Variants in IDH3B observed in about 807,000 individuals in gnomAD.
The protein encoded by IDH3B is isocitrate dehydrogenase [NAD] subunit beta, mitochondrial.
A neutral mutation model predicts 47.5 loss-of-function variants in IDH3B; 40 were observed. The observed-to-expected ratio is 0.84, with a 90% CI of 0.65 to 1.10. IDH3B has a LOEUF of 1.10. IDH3B is among the 50% of genes least tolerant of loss of function. The pLI is 0.00. For synonymous variants in IDH3B, 185 were observed against 191.0 expected, an observed-to-expected ratio of 0.97 and a Z score of 0.26; for missense variants, 450 against 505.2, an observed-to-expected ratio of 0.89 and a Z score of 1.05.
Position 2,660,200 on chromosome 20 carries a change from A to C in IDH3B, c.769-24T>G. On this transcript the variant is annotated intron_variant, in intron 8 of 11. Transcript: ENST00000380843. This position sits in a 1 kb window ranked among gnomAD's most constrained non-coding sequence, Gnocchi z 5.6. ...AGCTAGAGGGTGAGATGCAGGCATG[A>C]AGTAAATTCCACTCCCCACCCTCCT... 1 of 1,614,132 alleles carries C rather than the reference A, an allele frequency of 6.2e-7. No individual in the cohort carries two copies. Among genetic ancestry groups the C allele is most frequent in the East Asian group, 2.2e-5 (1 of 44,880 alleles).
At position 2,664,156 on chromosome 20, in the gene IDH3B, G is replaced by T. The variant is rs755677815; in HGVS notation, c.33C>A (p.Thr11=). 2 of 1,613,500 alleles carry T rather than the reference G, an allele frequency of 1.2e-6. No homozygotes were observed. The highest frequency in any genetic ancestry group is 1.7e-6 in the Non-Finnish European group (2 of 1,179,846). The change falls in exon 1 of 12, where the codon ACC becomes ACA. Residue 11 remains threonine (T), a synonymous_variant. Coordinates refer to ENST00000380843, the MANE Select transcript of IDH3B (RefSeq NM_006899.5). ...CCGACATGTCCCGGGGCCTCACTCG[G>T]GTCAGCCAGCGGACTCCGCTCAATG... The part of the protein sequence containing the change: MAALSGVRWL[T]RALVSAGNPG...
chr20:2,659,381 G>A lies in IDH3B; in HGVS notation c.1071+144C>T, dbSNP rs190082305. On this transcript the variant is annotated intron_variant, in intron 11 of 11. Transcript: ENST00000380843. ...GGGAGATGAAGAACAGCCCTGAGAG[G>A]GATGCAGGGATGTCAGGGAGCAGAT... 9.7e-5 allele frequency: 151 copies of A among 1,553,550 alleles called. No individual in the cohort carries two copies. The African/African-American group carries it at 1.9e-3, about 20-fold the overall frequency.
At position 2,658,806 on chromosome 20, in the gene IDH3B, G is replaced by A. The variant is rs538397341; in HGVS notation, c.1103C>T (p.Thr368Ile). 3.1e-6 allele frequency: 5 copies of A among 1,614,204 alleles called. No individual in the cohort carries two copies. The South Asian group carries it at 5.5e-5, about 18-fold the overall frequency. ...VRTRDMGGYS[T>I]TTDFIKSVIG... ...GACAGACTTGATGAAGTCGGTTGTG[G>A]TGCTGTAGCCGCCCATGTCTCGAGT... The change falls in exon 12 of 12, where the codon ACC (threonine) becomes ATC (isoleucine). Residue 368 changes from threonine (T) to isoleucine (I), a missense_variant. Thr to Ile is a moderately conservative substitution (Grantham distance 89, BLOSUM62 -1). Coordinates refer to ENST00000380843, the MANE Select transcript of IDH3B (RefSeq NM_006899.5).
rs199820027 is a variant in IDH3B, at chr20:2,660,863, G to A, written c.399-34C>T. The stretch of plus-strand genomic sequence containing the variant: ...GGGCAGGGCCATCAGCTCTGCTCCT[G>A]GTGCCCTGGCACCTCTCAACCATTC... On this transcript the variant is annotated intron_variant, in intron 5 of 11. Coordinates refer to ENST00000380843, the MANE Select transcript of IDH3B (RefSeq NM_006899.5). The surrounding 1 kb of genome is among the most constrained non-coding windows in gnomAD (Gnocchi z 5.6). 292 of 1,614,014 alleles carry A rather than the reference G, an allele frequency of 1.8e-4. No homozygotes were observed. The highest frequency in any genetic ancestry group is 8.2e-4 in the Middle Eastern group (5 of 6,084).
intron 4 of IDH3B, among the ~76,000 whole-genome samples, chr20:2,662,460 T>C (rs531342050): frequency 6.6e-6 from 1 of 152,044 alleles, no homozygotes; most frequent in South Asian, 2.1e-4. Flanking sequence ...ATATGGAAGA[T>C]GAACTATAGG....
In IDH3B at chr20:2,658,821, A is replaced by G. The variant is rs1241409255; in HGVS notation, c.1088T>C (p.Met363Thr). The change falls in exon 12 of 12, where the codon ATG (methionine) becomes ACG (threonine). Residue 363 changes from methionine to threonine, a missense_variant. Physicochemically the swap from Met to Thr is moderately conservative, Grantham distance 81 (BLOSUM62 -1). Transcript: ENST00000380843. ...IKVGKVRTRD[M>T]GGYSTTTDFI... ...GTCGGTTGTGGTGCTGTAGCCGCCC[A>G]TGTCTCGAGTCCGCACCTACAGCCA... 1.2e-6 allele frequency: 2 copies of G among 1,614,152 alleles called. No homozygotes were observed. The highest frequency in any genetic ancestry group is 8.5e-7 in the Non-Finnish European group (1 of 1,180,032).
chr20:2,659,512 CTT>C lies in IDH3B; in HGVS notation c.1071+11_1071+12del. On this transcript the variant is annotated intron_variant, in intron 11 of 11. Transcript: ENST00000380843. Reference sequence around the variant, plus strand: ...TCTAAATCCTGAAGCCAGCACTACTCTTCTCAACTCACCTTGCCAACTTTGAT... The same window carrying C: ...TCTAAATCCTGAAGCCAGCACTACTCCTCAACTCACCTTGCCAACTTTGAT... 1.9e-6 allele frequency: 3 copies of C among 1,613,866 alleles called. No individual in the cohort carries two copies. The highest frequency in any genetic ancestry group is 2.5e-6 in the Non-Finnish European group (3 of 1,179,698).
chr20:2,659,677 C>T, intron 10 of IDH3B, 22 bp downstream of exon 10: 15 of 1,611,746 alleles, frequency 9.3e-6, no homozygotes, highest in Non-Finnish European at 1.3e-5. Context: ...CCAACCTCTG[C>T]CGACAGCCTC....
In IDH3B at chr20:2,663,432, G is replaced by A. The variant is rs376688375; in HGVS notation, c.337+14C>T. On this transcript the variant is annotated intron_variant, in intron 4 of 11. Transcript: ENST00000380843. The stretch of plus-strand genomic sequence containing the variant: ...TAAATGGCACATGGACAAGTGGCAA[G>A]AGGGCACACATACCAATGATGGCCA... 2.0e-5 allele frequency: 32 copies of A among 1,613,976 alleles called. No homozygotes were observed. The highest frequency in any genetic ancestry group is 2.5e-5 in the Non-Finnish European group (30 of 1,179,958).
rs746384948 is a variant in IDH3B at position 2,658,826 on chromosome 20, T to C, written c.1083A>G (p.Arg361=). 6.2e-7 allele frequency: 1 copy of C among 1,614,018 alleles called. No homozygotes were observed. ...KVIKVGKVRT[R]DMGGYSTTTD... ...TTGTGGTGCTGTAGCCGCCCATGTC[T>C]CGAGTCCGCACCTACAGCCACCACC... The change falls in exon 12 of 12, where the codon CGA becomes CGG. Residue 361 remains arginine, a synonymous_variant. Transcript: ENST00000380843.
At chr20:2,659,096 A>G in intron 11 of IDH3B, 1 of 1,438,690 alleles carries the variant, frequency 7.0e-7, no homozygotes, top group Non-Finnish European at 9.1e-7. Context: ...GATCAGAGGC[A>G]GGATGTGGCT....
In IDH3B at chr20:2,658,675, A is replaced by G; in HGVS notation, c.*76T>C. On this transcript the variant is annotated 3_prime_UTR_variant, in exon 12 of 12. Transcript: ENST00000380843. The stretch of plus-strand genomic sequence containing the variant: ...CCATGGTCCACTGCTTAGAGGCACA[A>G]GGTCTCTTCCCTGGTACACTGCACT... 1 of 1,614,054 alleles carries G rather than the reference A, an allele frequency of 6.2e-7. No homozygotes were observed. Among genetic ancestry groups the G allele is most frequent in the Non-Finnish European group, 8.5e-7 (1 of 1,179,942 alleles).
intron 4 of IDH3B, 32 bp downstream of exon 4, chr20:2,663,414 C>A: frequency 6.2e-7 from 1 of 1,613,530 alleles, no homozygotes; most frequent in Non-Finnish European, 8.5e-7. Context: ...TTTTAAATGG[C>A]ACATGGACAA....
rs2086901688 is a variant in IDH3B, at chr20:2,659,680, A to G, written c.1010+19T>C. 6.2e-7 allele frequency: 1 copy of G among 1,612,658 alleles called. No homozygotes were observed. Among genetic ancestry groups the G allele is most frequent in the Non-Finnish European group, 8.5e-7 (1 of 1,178,672 alleles). Reference sequence around the variant, plus strand: ...TCCTCACGACACCCAACCTCTGCCGACAGCCTCCCATGACCTACTTAAGAT... The same window carrying G: ...TCCTCACGACACCCAACCTCTGCCGGCAGCCTCCCATGACCTACTTAAGAT... On this transcript the variant is annotated intron_variant, in intron 10 of 11. Transcript: ENST00000380843.
At position 2,663,704 on chromosome 20, in the gene IDH3B, C is replaced by G. The variant is rs764648168; in HGVS notation, c.172G>C (p.Gly58Arg). 2 of 1,614,206 alleles carry G rather than the reference C, an allele frequency of 1.2e-6. No homozygotes were observed. Among genetic ancestry groups the G allele is most frequent in the Non-Finnish European group, 1.7e-6 (2 of 1,180,054 alleles). Residue 58 changes from glycine (G) to arginine (R), a missense_variant, in exon 3 of 12, where the codon GGT becomes CGT. Gly to Arg is a moderately radical substitution (Grantham distance 125). Coordinates refer to ENST00000380843, the MANE Select transcript of IDH3B (RefSeq NM_006899.5). ...GCGTGCATCAGCTCAGGCCCCACAC[C>G]GTCTCCCGGAAGCATGGTCACGGGA... Reference protein sequence around the residue: ...SFPVTMLPGDGVGPELMHAVK... With the variant: ...SFPVTMLPGDRVGPELMHAVK...
intron 11 of IDH3B, chr20:2,659,267 A>G (rs1158631980): frequency 1.4e-6 from 2 of 1,449,958 alleles, no homozygotes; most frequent in Non-Finnish European, 1.8e-6. Flanking sequence ...ATGGCCCATG[A>G]AAAGGGCAGT....
chr20:2,663,954 C>T lies in IDH3B; in HGVS notation c.88G>A (p.Ala30Thr). ...PGAWRGLSTS[A>T]AAHAASRSQA... ...CTCCGCGATGCAGCGTGCGCCGCGG[C>T]CGAGGTACTCAGACCTCTCCATGCC... is the stretch of plus-strand genomic sequence containing the variant. The change falls in exon 2 of 12, where the codon GCC becomes ACC. Residue 30 changes from alanine to threonine, a missense_variant. Ala to Thr is a moderately conservative substitution (Grantham distance 58). Transcript: ENST00000380843. The T allele has an allele frequency of 6.2e-7, 1 of 1,614,124 alleles. No individual in the cohort carries two copies. Among genetic ancestry groups the T allele is most frequent in the Non-Finnish European group, 8.5e-7 (1 of 1,180,034 alleles).
At chr20:2,662,748 T>C (rs1452390921) in intron 4 of IDH3B, among the ~76,000 whole-genome samples, 4 of 151,824 alleles carry the variant, frequency 2.6e-5, no homozygotes, top group Non-Finnish European at 5.9e-5. Context: ...AGGTCAGGAG[T>C]TCGAGACCAG....
chr20:2,662,513 C>T (rs1176959914), intron 4 of IDH3B, among the ~76,000 whole-genome samples: 2 of 152,060 alleles, frequency 1.3e-5, no homozygotes, highest in South Asian at 2.1e-4. Flanking sequence ...GAGATTAAAG[C>T]GCGGAAGACA....
Sources: gnomAD v4.1 joint callset for allele counts (sites outside exome capture counted in the v4.1 genomes callset) on GRCh38, gnomAD v4.1.1 for gene constraint, Gnocchi (gnomAD v3.1) non-coding constraint, MANE v1.5 for transcripts, NCBI Gene and HGNC (gene_info 2026-07-23, HGNC 2026-07-21) for gene names.